MIA2: variants seen among roughly 807,000 people sequenced by gnomAD.
MIA2 encodes the protein MIA SH3 domain ER export factor 2.
MIA2 carries 127 observed loss-of-function variants against 167.8 expected under a neutral mutation model. The observed-to-expected ratio is 0.76, with a 90% CI of 0.66 to 0.88. The LOEUF (loss-of-function observed/expected upper bound fraction) is 0.88. Among genes scored for constraint, MIA2 ranks in the 40% least tolerant of loss-of-function variants. The pLI is 0.00. For synonymous variants in MIA2, 552 were observed against 541.9 expected, an observed-to-expected ratio of 1.02 and a Z score of -0.26; for missense variants, 1,690 against 1,624.7, an observed-to-expected ratio of 1.04 and a Z score of -0.69.
At chr14:39,257,249 C>T (rs1368700850) in intron 6 of MIA2, among the ~76,000 whole-genome samples, 1 of 152,156 alleles carries the variant, frequency 6.6e-6, no homozygotes, top group Non-Finnish European at 1.5e-5. Flanking sequence ...TAAGAACTTG[C>T]TTTATGAATC....
At chr14:39,268,104 T>C (rs1382327129) in intron 6 of MIA2, among the ~76,000 whole-genome samples, 1 of 152,196 alleles carries the variant, frequency 6.6e-6, no homozygotes, top group Non-Finnish European at 1.5e-5. Flanking sequence ...TGTTCAAATT[T>C]TGTTTTTTAT....
At chr14:39,373,306 C>CAAAAAAAAAAAAA (rs34602556) in intron 23 of MIA2, among the ~76,000 whole-genome samples, 2 of 110,960 alleles carry the variant, frequency 1.8e-5, no homozygotes, top group Non-Finnish European at 1.9e-5. Flanking sequence ...AATTCTTGGC[C>CAAAAAAAAAAAAA]AAAAAAAAAA....
chr14:39,293,253 G>T lies in MIA2; in HGVS notation c.2209-18G>T. 1 of 1,511,682 alleles carries T rather than the reference G, an allele frequency of 6.6e-7. No individual in the cohort carries two copies. Among genetic ancestry groups the T allele is most frequent in the Non-Finnish European group, 9.1e-7 (1 of 1,093,418 alleles). The allele number at this position is 1,511,682 out of a possible 1,614,324, so 93.6% of individuals were successfully genotyped here. A position where few individuals can be genotyped will look rare whatever the true frequency, so the allele number is the denominator to read the frequency against. On this transcript the variant is annotated intron_variant, in intron 10 of 28. Transcript: ENST00000640607. ...AAAATTCTTATATCTGTTTAATAAA[G>T]TTGGCTTTCTCTCTTAGGCAACCTG...
Position 39,237,478 on chromosome 14 carries a change from G to A in MIA2, c.249+423G>A, listed in dbSNP as rs563199744. Among the ~76,000 whole-genome samples, 124 of 152,102 alleles carry A rather than the reference G, an allele frequency of 8.2e-4. 1 individual carries two copies. Among genetic ancestry groups the A allele is most frequent in the African/African-American group, 2.7e-3 (111 of 41,486 alleles). On this transcript the variant is annotated intron_variant, in intron 2 of 28. Coordinates refer to ENST00000640607, the MANE Select transcript of MIA2 (RefSeq NM_001329214.4). ...AGAAACGTTAAGAGTTTCAAAACAC[G>A]GTGTATATATTAAGAACCCTTAATG... is the stretch of plus-strand genomic sequence containing the variant.
chr14:39,334,646 A>T (rs892429039), intron 25 of MIA2, among the ~76,000 whole-genome samples: 1 of 151,286 alleles, frequency 6.6e-6, no homozygotes, highest in East Asian at 2.0e-4. Context: ...AGCTCACTGC[A>T]ACCTCTGCCT....
At chr14:39,275,790 C>G (rs947324698) in intron 6 of MIA2, among the ~76,000 whole-genome samples, 1 of 151,938 alleles carries the variant, frequency 6.6e-6, no homozygotes, top group South Asian at 2.1e-4. Flanking sequence ...TAGATTTCTG[C>G]GAACTGGTAC....
intron 7 of MIA2, among the ~76,000 whole-genome samples, chr14:39,278,744 G>A (rs565213476): frequency 5.5e-4 from 84 of 152,070 alleles, no homozygotes; most frequent in South Asian, 1.0e-3. Flanking sequence ...ATTTTTTTAG[G>A]GTCAAATTTG....
chr14:39,375,433 C>T (rs551662246), intron 23 of MIA2, among the ~76,000 whole-genome samples: 20 of 152,284 alleles, frequency 1.3e-4, no homozygotes, highest in African/African-American at 4.6e-4. Flanking sequence ...TGGTGGCTCA[C>T]ACCTGTAATC....
intron 28 of MIA2, among the ~76,000 whole-genome samples, 194 bp from the exon 29 acceptor site, chr14:39,349,904 T>C (rs1340726303): frequency 6.6e-6 from 1 of 152,190 alleles, no homozygotes; most frequent in Non-Finnish European, 1.5e-5. Context: ...ATTAATGATA[T>C]TTCCTTTAAT....
intron 9 of MIA2, among the ~76,000 whole-genome samples, chr14:39,282,669 G>T (rs1238967330): frequency 6.6e-6 from 1 of 152,076 alleles, no homozygotes; most frequent in Non-Finnish European, 1.5e-5. Context: ...TATCTCCTGG[G>T]CTCAAGTAAT....
chr14:39,304,776 A>T (rs1399412843), intron 17 of MIA2, among the ~76,000 whole-genome samples: 2 of 152,296 alleles, frequency 1.3e-5, no homozygotes, highest in African/African-American at 4.8e-5. Flanking sequence ...TCGTTCCTTT[A>T]ATGTACATAC....
chr14:39,269,073 A>ATT, intron 6 of MIA2: 2 of 362,156 alleles, frequency 5.5e-6, no homozygotes, highest in Non-Finnish European at 6.7e-6. Context: ...TCACCTGCAC[A>ATT]GTTTTTTTTT....
At position 39,292,545 on chromosome 14, in the gene MIA2, A is replaced by G. The variant is rs111617920; in HGVS notation, c.2209-726A>G. 4.2e-3 allele frequency: 670 copies of G among 161,348 alleles called. 5 individuals carry two copies. The highest frequency in any genetic ancestry group is 0.015 in the African/African-American group (606 of 41,720). The allele number at this position is 161,348 out of a possible 1,614,324, so 10.0% of individuals were successfully genotyped here. On this transcript the variant is annotated intron_variant, in intron 10 of 28. Coordinates refer to ENST00000640607, the MANE Select transcript of MIA2 (RefSeq NM_001329214.4). ...TTCATTCGGGTCAGGGAATTCCTAGAATGAAATATTCAAATTTGGGGTAAT... is the reference window on the plus strand; with the variant it reads ...TTCATTCGGGTCAGGGAATTCCTAGGATGAAATATTCAAATTTGGGGTAAT...
chr14:39,288,076 G>A (rs536278608), intron 9 of MIA2, among the ~76,000 whole-genome samples: 62 of 152,040 alleles, frequency 4.1e-4, no homozygotes, highest in African/African-American at 1.4e-3. Flanking sequence ...CGAACTCCTC[G>A]GACTTCCCAA....
chr14:39,241,174 G>T (rs1360815716), intron 3 of MIA2, among the ~76,000 whole-genome samples: 2 of 152,118 alleles, frequency 1.3e-5, no homozygotes, highest in Non-Finnish European at 2.9e-5. Context: ...ATCCTCTTTT[G>T]CTGTTGGAGT....
Position 39,294,928 on chromosome 14 carries a change from A to G in MIA2, c.2395A>G (p.Lys799Glu), listed in dbSNP as rs771643822. The G allele has an allele frequency of 1.2e-6, 2 of 1,609,556 alleles. No individual in the cohort carries two copies. The highest frequency in any genetic ancestry group is 2.2e-5 in the South Asian group (2 of 90,732). ...KSLKSQVAEA[K>E]MTFKIFQMNE... ...TGACATTTTTTGTTTCACTTAGGCCAAAATGACCTTCAAGATATTTCAAAT... is the reference window on the plus strand; with the variant it reads ...TGACATTTTTTGTTTCACTTAGGCCGAAATGACCTTCAAGATATTTCAAAT... The change falls in exon 13 of 29, where the codon AAA (lysine) becomes GAA (glutamate). Residue 799 changes from lysine (K) to glutamate (E), a missense_variant. Lys to Glu is a moderately conservative substitution (Grantham distance 56). Transcript: ENST00000640607.
chr14:39,254,373 TG>T (rs1248778567), intron 6 of MIA2, among the ~76,000 whole-genome samples: 1 of 152,166 alleles, frequency 6.6e-6, no homozygotes, highest in Non-Finnish European at 1.5e-5. Context: ...TTGTAGATGA[TG>T]GGGCACTATT....
chr14:39,295,110 A>C, intron 13 of MIA2, 81 bp downstream of exon 13: 1 of 935,770 alleles, frequency 1.1e-6, no homozygotes, highest in South Asian at 1.3e-5. Flanking sequence ...GACCCATGCT[A>C]GGGACAAGTA....
intron 26 of MIA2, 184 bp from the exon 27 acceptor site, chr14:39,347,527 ACT>A (rs2073559854): frequency 1.7e-6 from 1 of 587,580 alleles, no homozygotes. Context: ...CCATCATAGA[ACT>A]CTGAGTCTGC....
Sources: gnomAD v4.1 joint callset for allele counts (sites outside exome capture counted in the v4.1 genomes callset) on GRCh38, gnomAD v4.1.1 for gene constraint, MANE v1.5 for transcripts, NCBI Gene and HGNC (gene_info 2026-07-23, HGNC 2026-07-21) for gene names.